PAXBP1: variants seen among roughly 807,000 people sequenced by gnomAD.
PAXBP1 encodes the protein PAX3 and PAX7 binding protein 1, also known as PAX3- and PAX7-binding protein 1.
Under a neutral mutation model 119.9 loss-of-function variants are expected in PAXBP1, and 44 were observed. That is an observed-to-expected ratio of 0.37 (90% confidence interval 0.29 to 0.47). The LOEUF is 0.47. Ranked by LOEUF, PAXBP1 falls within the 20% of genes least tolerant of loss-of-function variation. PAXBP1 has a pLI of 0.99. For synonymous variants in PAXBP1, 393 were observed against 406.6 expected, an observed-to-expected ratio of 0.97 and a Z score of 0.40; for missense variants, 898 against 1,134.1, an observed-to-expected ratio of 0.79 and a Z score of 2.99.
At position 32,743,702 on chromosome 21, in the gene PAXBP1, A is replaced by G. The variant is rs759847090; in HGVS notation, c.2243T>C (p.Val748Ala). The change falls in exon 14 of 18, where the codon GTA (valine) becomes GCA (alanine). Residue 748 changes from valine (V) to alanine (A), a missense_variant. By Grantham distance (64) the Val-to-Ala change is moderately conservative. Coordinates refer to ENST00000331923, the MANE Select transcript of PAXBP1 (RefSeq NM_016631.4). ...LRMRRTLDDD[V>A]FMPLYPKNVL... ...CTTTTTGGGATATAAGGGCATAAAT[A>G]CATCATCATCTAAAGTTCTTCTCAT... is the stretch of plus-strand genomic sequence containing the variant. 7 of 1,595,576 alleles carry G rather than the reference A, an allele frequency of 4.4e-6. No individual in the cohort carries two copies. The highest frequency in any genetic ancestry group is 6.0e-6 in the Non-Finnish European group (7 of 1,165,916).
chr21:32,740,501 T>C (rs1344481962), intron 15 of PAXBP1, among the ~76,000 whole-genome samples: 3 of 152,208 alleles, frequency 2.0e-5, no homozygotes, highest in African/African-American at 7.2e-5. Context: ...AAAGGAATTT[T>C]TGGTGTTCAC....
At chr21:32,757,562 T>C (rs896950902) in intron 7 of PAXBP1, among the ~76,000 whole-genome samples, 1 of 152,202 alleles carries the variant, frequency 6.6e-6, no homozygotes, top group Non-Finnish European at 1.5e-5. Context: ...AATTCAACAA[T>C]TAAAAACTAT....
At chr21:32,765,994 G>T (rs2044235745) in intron 2 of PAXBP1, among the ~76,000 whole-genome samples, 1 of 152,142 alleles carries the variant, frequency 6.6e-6, no homozygotes, top group Non-Finnish European at 1.5e-5. Context: ...AATTAGCTGG[G>T]CTTGGTGGCG....
chr21:32,769,772 C>T (rs182344432), intron 2 of PAXBP1, 42 bp downstream of exon 2: 168 of 1,587,974 alleles, frequency 1.1e-4, no homozygotes, highest in Admixed American at 2.2e-4. Flanking sequence ...AAAGAGCTTT[C>T]ATTTTGTCAT....
Position 32,737,347 on chromosome 21 carries a change from T to C in PAXBP1, c.2543A>G (p.Gln848Arg), listed in dbSNP as rs779053019. 1.2e-6 allele frequency: 2 copies of C among 1,610,430 alleles called. No individual in the cohort carries two copies. The highest frequency in any genetic ancestry group is 1.1e-5 in the South Asian group (1 of 90,738). ...MNLKGERTIS[Q>R]LENFCRYLVH... ...AAGGTATCGGCAAAAGTTTTCTAAC[T>C]GAGAAATAGTCCTTTCTCCTTTCAG... is the stretch of plus-strand genomic sequence containing the variant. Residue 848 changes from glutamine (Q) to arginine (R), a missense_variant, in exon 17 of 18, where the codon CAG becomes CGG. This residue lies in a region of PAXBP1 where 599 missense variants were observed against 852.7 expected (regional missense o/e 0.70). Transcript: ENST00000331923.
intron 13 of PAXBP1, among the ~76,000 whole-genome samples, chr21:32,744,098 ATTAACT>A (rs774762096): frequency 2.6e-4 from 39 of 152,278 alleles, no homozygotes; most frequent in Non-Finnish European, 5.1e-4. Flanking sequence ...CCTGAAGAGC[ATTAACT>A]TTAAGTTTGG....
chr21:32,748,731 C>G, intron 10 of PAXBP1, 33 bp from the exon 11 acceptor site: 1 of 1,571,616 alleles, frequency 6.4e-7, no homozygotes, highest in Non-Finnish European at 8.6e-7. Context: ...GAGAACCATA[C>G]ATTAGTATGA....
chr21:32,734,835 G>GT lies in PAXBP1; in HGVS notation c.*114dup, dbSNP rs1309332138. The GT allele has an allele frequency of 9.0e-5, 69 of 766,342 alleles. No homozygotes were observed. In the East Asian group the frequency reaches 1.5e-3, roughly 17 times the overall value. 47.5% of individuals were successfully genotyped at this position (766,342 alleles called of 1,614,324 possible). A position where few individuals can be genotyped will look rare whatever the true frequency, so the allele number is the denominator to read the frequency against. On this transcript the variant is annotated 3_prime_UTR_variant, in exon 18 of 18. Coordinates refer to ENST00000331923, the MANE Select transcript of PAXBP1 (RefSeq NM_016631.4). ...TTAAGGACACAGTATTGAATATAAT[G>GT]TTTTTTGTATTAAAACAAGAATTGC...
intron 8 of PAXBP1, chr21:32,751,522 C>T (rs1044590987): frequency 4.7e-6 from 1 of 211,402 alleles, no homozygotes; most frequent in Non-Finnish European, 9.8e-6. Context: ...TCAGGAATAG[C>T]TATCATGATG....
intron 17 of PAXBP1, among the ~76,000 whole-genome samples, chr21:32,735,753 G>A (rs957273423): frequency 1.4e-4 from 22 of 152,122 alleles, no homozygotes; most frequent in African/African-American, 4.1e-4. Flanking sequence ...TGATACTGCT[G>A]GTCCAGGGAC....
At chr21:32,740,330 G>A (rs771644334) in intron 15 of PAXBP1, among the ~76,000 whole-genome samples, 9 of 152,128 alleles carry the variant, frequency 5.9e-5, no homozygotes, top group Non-Finnish European at 8.8e-5. Context: ...TTGATGTCTC[G>A]TGTCTCCCTA....
rs138578902 is a variant in PAXBP1 at position 32,748,914 on chromosome 21, G to T, written c.1724-216C>A. ...AAGTGCAGCCAGTCCTTGTTTTGCAGTTCCAGTATATACAATTTTTCTACC... is the reference window on the plus strand; with the variant it reads ...AAGTGCAGCCAGTCCTTGTTTTGCATTTCCAGTATATACAATTTTTCTACC... On this transcript the variant is annotated intron_variant, in intron 10 of 17. Transcript: ENST00000331923. Among the ~76,000 whole-genome samples the T allele has an allele frequency of 1.2e-3, 181 of 152,292 alleles. 1 individual carries two copies. Among genetic ancestry groups the T allele is most frequent in the African/African-American group, 4.1e-3 (170 of 41,570 alleles).
chr21:32,758,360 G>A (rs113475273), intron 7 of PAXBP1, among the ~76,000 whole-genome samples: 3,832 of 150,406 alleles, frequency 0.025, 71 homozygotes, highest in Middle Eastern at 0.15. Flanking sequence ...GTCCACAAAT[G>A]CTTATAAACC....
chr21:32,751,344 G>A, intron 8 of PAXBP1, 126 bp from the exon 9 acceptor site: 3 of 758,234 alleles, frequency 4.0e-6, no homozygotes, highest in Middle Eastern at 2.4e-4. Flanking sequence ...GCAATAACTG[G>A]TAAACCAGGT....
At chr21:32,746,219 C>T (rs780863206) in intron 11 of PAXBP1, among the ~76,000 whole-genome samples, 5 of 152,060 alleles carry the variant, frequency 3.3e-5, no homozygotes, top group African/African-American at 7.2e-5. Flanking sequence ...AAAGATTTCA[C>T]GACAAAAACA....
At chr21:32,766,781 C>G (rs762610255) in intron 2 of PAXBP1, among the ~76,000 whole-genome samples, 1 of 152,208 alleles carries the variant, frequency 6.6e-6, no homozygotes, top group Non-Finnish European at 1.5e-5. Context: ...TCTGAGGGCA[C>G]TGGGTCTGGC....
intron 15 of PAXBP1, among the ~76,000 whole-genome samples, chr21:32,741,231 C>T (rs1601584686): frequency 1.3e-5 from 2 of 152,294 alleles, no homozygotes; most frequent in South Asian, 2.1e-4. Flanking sequence ...GAAGCTCTTA[C>T]ACCCTTATAG....
chr21:32,739,938 TAAAA>T (rs756477858), intron 15 of PAXBP1, among the ~76,000 whole-genome samples: 127 of 47,046 alleles, frequency 2.7e-3, no homozygotes, highest in Middle Eastern at 0.022. Flanking sequence ...CTCGTCTCTT[TAAAA>T]AAAAAAAAAA....
At position 32,748,739 on chromosome 21, in the gene PAXBP1, T is replaced by C. The variant is rs776309956; in HGVS notation, c.1724-41A>G. 1.6e-5 allele frequency: 24 copies of C among 1,545,098 alleles called. No homozygotes were observed. In the Admixed American group the frequency reaches 2.2e-4, roughly 14 times the overall value. ...CCCCACAGAGAACCATACATTAGTATGAAGTAGGAAAAAAACAGTCCAATA... is the reference window on the plus strand; with the variant it reads ...CCCCACAGAGAACCATACATTAGTACGAAGTAGGAAAAAAACAGTCCAATA... On this transcript the variant is annotated intron_variant, in intron 10 of 17. Transcript: ENST00000331923.
Sources: gnomAD v4.1 joint callset for allele counts (sites outside exome capture counted in the v4.1 genomes callset) on GRCh38, gnomAD v4.1.1 for gene constraint, gnomAD v4.1.1 regional missense constraint, MANE v1.5 for transcripts, NCBI Gene and HGNC (gene_info 2026-07-23, HGNC 2026-07-21) for gene names.